ANO6: variants seen among roughly 807,000 people sequenced by gnomAD.
The protein encoded by ANO6 is anoctamin 6, also known as anoctamin-6.
A neutral mutation model predicts 117.5 loss-of-function variants in ANO6; 106 were observed. The ratio of observed to expected loss-of-function variants is 0.90; its 90% CI spans 0.77 to 1.06. The LOEUF is 1.06. Among genes scored for constraint, ANO6 ranks in the 50% least tolerant of loss-of-function variants. The probability of loss-of-function intolerance (pLI) is 0.00; values close to 1 mark genes in which losing one functional copy is unlikely to be tolerated. For synonymous variants in ANO6, 367 were observed against 385.1 expected, an observed-to-expected ratio of 0.95 and a Z score of 0.55; for missense variants, 955 against 1,121.1, an observed-to-expected ratio of 0.85 and a Z score of 2.12.
intron 1 of ANO6, among the ~76,000 whole-genome samples, chr12:45,221,726 C>T (rs528419058): frequency 1.3e-5 from 2 of 152,028 alleles, no homozygotes; most frequent in African/African-American, 2.4e-5. Flanking sequence ...ATGAAAGAGG[C>T]GCCATCTGTG....
intron 11 of ANO6, 90 bp from the exon 12 acceptor site, chr12:45,390,331 T>C: frequency 1.8e-6 from 2 of 1,093,438 alleles, no homozygotes; most frequent in East Asian, 4.7e-5. Flanking sequence ...TTTTTAAAAT[T>C]AATTCTAAGA....
intron 2 of ANO6, among the ~76,000 whole-genome samples, chr12:45,307,898 A>T (rs1260264337): frequency 1.3e-5 from 2 of 152,064 alleles, no homozygotes; most frequent in Non-Finnish European, 2.9e-5. Flanking sequence ...GTATTTAACA[A>T]TAGGGAAAAG....
rs371778277 is a variant in ANO6 at position 45,393,494 on chromosome 12, A to T, written c.1386+2996A>T. 1.4e-4 allele frequency among the ~76,000 whole-genome samples: 21 copies of T among 152,316 alleles called. No homozygotes were observed. In the East Asian group the frequency reaches 3.3e-3, roughly 24 times the overall value. On this transcript the variant is annotated intron_variant, in intron 12 of 19. Transcript: ENST00000320560. ...CATTCAAATTCAGGAAATACAGAGA[A>T]CACCACAAAGATACTCCTTGAGAAG...
intron 1 of ANO6, 149 bp downstream of exon 1, chr12:45,216,540 C>A: frequency 4.4e-6 from 4 of 906,482 alleles, no homozygotes; most frequent in Non-Finnish European, 6.5e-6. Flanking sequence ...CCGCTGTCCC[C>A]GGCTGCTTGC....
chr12:45,425,957 A>G (rs1943490103), intron 19 of ANO6, among the ~76,000 whole-genome samples: 1 of 152,214 alleles, frequency 6.6e-6, no homozygotes, highest in East Asian at 1.9e-4. Context: ...CTTGGAAACC[A>G]TGACTTTAAG....
chr12:45,344,389 A>T (rs974222102), intron 3 of ANO6, among the ~76,000 whole-genome samples: 1 of 152,226 alleles, frequency 6.6e-6, no homozygotes, highest in Admixed American at 6.5e-5. Context: ...ATTTATAAAG[A>T]CGAGGTTTAA....
chr12:45,313,284 C>G (rs1010641503), intron 2 of ANO6: 1 of 152,020 alleles, frequency 6.6e-6, no homozygotes, highest in African/African-American at 2.4e-5. Context: ...CCATGCAACC[C>G]TGCTCTCAGA....
chr12:45,343,320 A>G (rs1404075411), intron 3 of ANO6, among the ~76,000 whole-genome samples: 1 of 152,192 alleles, frequency 6.6e-6, no homozygotes, highest in Non-Finnish European at 1.5e-5. Flanking sequence ...ATTTGTCTCC[A>G]AGAGCTAAAA....
At chr12:45,402,219 AATC>A (rs1942810708) in intron 13 of ANO6, among the ~76,000 whole-genome samples, 199 bp downstream of exon 13, 1 of 152,254 alleles carries the variant, frequency 6.6e-6, no homozygotes, top group Non-Finnish European at 1.5e-5. Flanking sequence ...AAGCAAAGAC[AATC>A]ATCATAACGT....
chr12:45,236,896 C>T (rs886701228), intron 1 of ANO6, among the ~76,000 whole-genome samples: 23 of 152,054 alleles, frequency 1.5e-4, no homozygotes, highest in African/African-American at 5.3e-4. Context: ...ATCTGTTGTT[C>T]CCTGACTTTT....
intron 1 of ANO6, among the ~76,000 whole-genome samples, chr12:45,223,207 A>C (rs1300737284): frequency 6.6e-6 from 1 of 152,212 alleles, no homozygotes; most frequent in Non-Finnish European, 1.5e-5. Flanking sequence ...CAATTTATAA[A>C]CAGTTCATCA....
rs549990753 is a variant in ANO6 at position 45,267,919 on chromosome 12, A to G, written c.71-34095A>G. ...GGGAAGGGTACAGGTATATGAAAAGATAAGTCAAAACTGTATTGAAGGGTA... is the reference window on the plus strand; with the variant it reads ...GGGAAGGGTACAGGTATATGAAAAGGTAAGTCAAAACTGTATTGAAGGGTA... On this transcript the variant is annotated intron_variant, in intron 1 of 19. Coordinates refer to ENST00000320560, the MANE Select transcript of ANO6 (RefSeq NM_001025356.3). 9.2e-5 allele frequency among the ~76,000 whole-genome samples: 14 copies of G among 152,354 alleles called. No individual in the cohort carries two copies. The East Asian group carries it at 2.5e-3, about 27-fold the overall frequency.
chr12:45,371,831 C>T (rs1941847272), intron 9 of ANO6, among the ~76,000 whole-genome samples: 1 of 152,320 alleles, frequency 6.6e-6, no homozygotes, highest in East Asian at 1.9e-4. Flanking sequence ...AACGCAGTTC[C>T]TCACCAGCAA....
chr12:45,421,672 A>G (rs1306897290), intron 18 of ANO6, among the ~76,000 whole-genome samples: 1 of 152,230 alleles, frequency 6.6e-6, no homozygotes, highest in Non-Finnish European at 1.5e-5. Flanking sequence ...TCAGTTGTTA[A>G]TACTATTGTG....
At chr12:45,339,142 C>A (rs139494144) in intron 3 of ANO6, among the ~76,000 whole-genome samples, 99 of 152,164 alleles carry the variant, frequency 6.5e-4, no homozygotes, top group Middle Eastern at 6.8e-3. Flanking sequence ...TGCTTGTGTG[C>A]ACTTGTACAT....
intron 1 of ANO6, among the ~76,000 whole-genome samples, chr12:45,287,746 A>G (rs748643867): frequency 2.0e-5 from 3 of 152,206 alleles, no homozygotes; most frequent in African/African-American, 4.8e-5. Context: ...AAGGGAAGAC[A>G]CAGTGGAGGG....
intron 2 of ANO6, among the ~76,000 whole-genome samples, chr12:45,322,957 T>A (rs1051473533): frequency 6.6e-6 from 1 of 152,214 alleles, no homozygotes; most frequent in Non-Finnish European, 1.5e-5. Context: ...TTTGCCCTGC[T>A]GCCAAGAGGC....
intron 2 of ANO6, among the ~76,000 whole-genome samples, chr12:45,321,910 C>T (rs1295607713): frequency 6.6e-6 from 1 of 152,072 alleles, no homozygotes; most frequent in African/African-American, 2.4e-5. Context: ...AAAGTTAGTA[C>T]TTATTACTGC....
At chr12:45,293,286 G>A (rs1287384246) in intron 1 of ANO6, among the ~76,000 whole-genome samples, 2 of 152,106 alleles carry the variant, frequency 1.3e-5, no homozygotes, top group African/African-American at 4.8e-5. Flanking sequence ...TTGGAATATA[G>A]AGTTGAATAA....
Sources: allele counts gnomAD v4.1 joint callset (sites outside exome capture counted in the v4.1 genomes callset), GRCh38; gene constraint gnomAD v4.1.1; transcripts MANE v1.5; gene names NCBI Gene and HGNC (gene_info 2026-07-23, HGNC 2026-07-21).